The following MTNR1B variants were observed in gnomAD, a reference collection of about 807,000 sequenced individuals.
The protein encoded by MTNR1B is melatonin receptor 1B.
A neutral mutation model predicts 7.0 loss-of-function variants in MTNR1B; 7 were observed. The ratio of observed to expected loss-of-function variants is 1.00; its 90% confidence interval spans 0.57 to 1.88. The LOEUF is 1.88. Ranked by LOEUF, MTNR1B falls within the 40% of genes most tolerant of loss-of-function variation. The pLI, the probability that MTNR1B is intolerant of heterozygous loss-of-function variation, is 0.00. For synonymous variants in MTNR1B, 226 were observed against 208.2 expected (o/e 1.09, Z -0.74); for missense variants, 478 against 486.5 (o/e 0.98, Z 0.16).
At chr11:92,980,604 T>C (rs3781637) in intron 1 of MTNR1B, among the ~76,000 whole-genome samples, 3,095 of 152,272 alleles carry the variant, frequency 0.02, 91 homozygotes, top group East Asian at 0.14. Context: ...CTCTCTCTGG[T>C]TGACCAAGCT....
At position 92,981,641 on chromosome 11, in the gene MTNR1B, T is replaced by A. The variant is rs1269926934; in HGVS notation, c.418T>A (p.Cys140Ser). The A allele has an allele frequency of 7.4e-6, 12 of 1,614,124 alleles. No homozygotes were observed. The African/African-American group carries it at 1.6e-4, about 22-fold the overall frequency. Reference protein sequence around the residue: ...NITAIAINRYCYICHSMAYHR... With the variant: ...NITAIAINRYSYICHSMAYHR... ...CACTGCCATCGCCATTAACCGCTAC[T>A]GCTACATCTGCCACAGCATGGCCTA... Residue 140 changes from cysteine to serine, a missense_variant, in exon 2 of 2, where the codon TGC (cysteine) becomes AGC (serine). By Grantham distance (112) the Cys-to-Ser change is moderately radical. Transcript: ENST00000257068.
Position 92,981,309 on chromosome 11 carries a change from G to A in MTNR1B, c.224-138G>A, listed in dbSNP as rs916335432. 9.9e-6 allele frequency: 12 copies of A among 1,212,354 alleles called. No homozygotes were observed. In the African/African-American group the frequency reaches 1.1e-4, roughly 11 times the overall value. 75.1% of individuals were successfully genotyped at this position (1,212,354 alleles called of 1,614,324 possible). Reference sequence around the variant, plus strand: ...CTAGTGAGTGGCAGAAATGCAATCTGAGTCTTCAGTTCTGTGCCTCTAAGA... The same window carrying A: ...CTAGTGAGTGGCAGAAATGCAATCTAAGTCTTCAGTTCTGTGCCTCTAAGA... On this transcript the variant is annotated intron_variant, in intron 1 of 1. Transcript: ENST00000257068.
intron 1 of MTNR1B, 70 bp downstream of exon 1, chr11:92,970,018 C>T: frequency 7.0e-7 from 1 of 1,418,958 alleles, no homozygotes; most frequent in Non-Finnish European, 9.3e-7. Flanking sequence ...GTCCCTGACC[C>T]CGGGATATGC....
chr11:92,971,927 CA>C (rs200429710), intron 1 of MTNR1B, among the ~76,000 whole-genome samples: 8 of 150,826 alleles, frequency 5.3e-5, no homozygotes, highest in South Asian at 2.1e-4. Flanking sequence ...AGCACCCGAA[CA>C]AAAAAAAATA....
intron 1 of MTNR1B, among the ~76,000 whole-genome samples, chr11:92,970,707 C>G (rs1654959726): frequency 6.6e-6 from 1 of 152,156 alleles, no homozygotes; most frequent in African/African-American, 2.4e-5. Context: ...GAGTGGGGGG[C>G]AGTATCTGAA....
chr11:92,971,291 C>T (rs1384190176), intron 1 of MTNR1B, among the ~76,000 whole-genome samples: 4 of 152,170 alleles, frequency 2.6e-5, no homozygotes, highest in Non-Finnish European at 5.9e-5. Flanking sequence ...AAAAAACAAA[C>T]AAGAAACTCC....
rs754089451 is a variant in MTNR1B at position 92,981,863 on chromosome 11, G to A, written c.640G>A (p.Ala214Thr). Residue 214 changes from alanine (A) to threonine (T), a missense_variant, in exon 2 of 2, where the codon GCT becomes ACT. By Grantham distance (58) the Ala-to-Thr change is moderately conservative. Transcript: ENST00000257068. The stretch of plus-strand genomic sequence containing the variant: ...GGTCATCCACTTCCTCCTCCCTATC[G>A]CTGTCGTGTCCTTCTGCTACCTGCG... ...VVVIHFLLPI[A>T]VVSFCYLRIW... 2.7e-5 allele frequency: 44 copies of A among 1,614,016 alleles called. No individual in the cohort carries two copies. The highest frequency in any genetic ancestry group is 1.5e-4 in the African/African-American group (11 of 74,926).
At chr11:92,976,988 G>T (rs1858018584) in intron 1 of MTNR1B, among the ~76,000 whole-genome samples, 1 of 152,176 alleles carries the variant, frequency 6.6e-6, no homozygotes, top group African/African-American at 2.4e-5. Context: ...ATCAATGGTT[G>T]TTTTGTTGCT....
At chr11:92,977,479 C>G (rs779255378) in intron 1 of MTNR1B, among the ~76,000 whole-genome samples, 1 of 152,214 alleles carries the variant, frequency 6.6e-6, no homozygotes, top group Non-Finnish European at 1.5e-5. Flanking sequence ...CATGACCTTT[C>G]CCATACAACA....
In MTNR1B at chr11:92,982,144, C is replaced by G. The variant is rs1226009723; in HGVS notation, c.921C>G (p.Val307=). 1 of 1,614,114 alleles carries G rather than the reference C, an allele frequency of 6.2e-7. No homozygotes were observed. The highest frequency in any genetic ancestry group is 2.2e-5 in the East Asian group (1 of 44,888). Reference sequence around the variant, plus strand: ...TCAACAGCTGCCTGAATGCCATTGTCTATGGGCTCTTGAACCAAAACTTCC... The same window carrying G: ...TCAACAGCTGCCTGAATGCCATTGTGTATGGGCTCTTGAACCAAAACTTCC... The part of the protein sequence containing the change: ...AYFNSCLNAI[V]YGLLNQNFRR... Residue 307 remains valine (V), a synonymous_variant, in exon 2 of 2, where the codon GTC becomes GTG. Transcript: ENST00000257068.
intron 1 of MTNR1B, among the ~76,000 whole-genome samples, chr11:92,974,926 T>C (rs112432204): frequency 0.017 from 2,597 of 152,218 alleles, 31 homozygotes; most frequent in South Asian, 0.04. Flanking sequence ...TTAGTAGAGA[T>C]GGTGTTTCTC....
At chr11:92,977,838 G>GAAGA (rs1217737191) in intron 1 of MTNR1B, among the ~76,000 whole-genome samples, 2 of 152,238 alleles carry the variant, frequency 1.3e-5, no homozygotes, top group African/African-American at 4.8e-5. Flanking sequence ...AAGAGTGGAA[G>GAAGA]AAGACCTCAA....
In MTNR1B at chr11:92,973,680, G is replaced by A. The variant is rs369580437; in HGVS notation, c.223+3732G>A. ...GGATAGTAAGTGTCTCCCTTGTTGG[G>A]CTTCTAAGATACCTGTGCCCTCCCC... On this transcript the variant is annotated intron_variant, in intron 1 of 1. Transcript: ENST00000257068. Among the ~76,000 whole-genome samples the A allele has an allele frequency of 2.0e-5, 3 of 152,176 alleles. No homozygotes were observed. In the East Asian group the frequency reaches 5.8e-4, roughly 29 times the overall value.
intron 1 of MTNR1B, 86 bp from the exon 2 acceptor site, chr11:92,981,361 A>G: frequency 6.6e-7 from 1 of 1,518,970 alleles, no homozygotes. Context: ...TCACATTGCC[A>G]AAAGTAACTT....
downstream of MTNR1B, among the ~76,000 whole-genome samples, chr11:92,984,029 C>T: frequency 6.6e-6 from 1 of 152,178 alleles, no homozygotes; most frequent in South Asian, 2.1e-4. Flanking sequence ...TTCTATCCCC[C>T]ATCATCCCAC....
chr11:92,973,535 G>T (rs1438714021), intron 1 of MTNR1B, among the ~76,000 whole-genome samples: 3 of 152,142 alleles, frequency 2.0e-5, no homozygotes, highest in African/African-American at 7.2e-5. Flanking sequence ...TTCCCAAAGG[G>T]TCTGCACTCC....
At position 92,969,866 on chromosome 11, in the gene MTNR1B, C is replaced by T. The variant is rs746368501; in HGVS notation, c.141C>T (p.Leu47=). 28 of 1,611,662 alleles carry T rather than the reference C, an allele frequency of 1.7e-5. No individual in the cohort carries two copies. Among genetic ancestry groups the T allele is most frequent in the Non-Finnish European group, 2.3e-5 (27 of 1,179,554 alleles). ...PWVAPALSAV[L]IVTTAVDVVG... The stretch of plus-strand genomic sequence containing the variant: ...TGGCTCCAGCGCTGTCCGCGGTGCT[C>T]ATCGTCACCACCGCCGTGGACGTCG... Residue 47 remains leucine, a synonymous_variant, in exon 1 of 2, where the codon CTC becomes CTT. Coordinates refer to ENST00000257068, the MANE Select transcript of MTNR1B (RefSeq NM_005959.5).
rs1858099999 is a variant in MTNR1B at position 92,981,431 on chromosome 11, C to G, written c.224-16C>G. 1 of 1,606,250 alleles carries G rather than the reference C, an allele frequency of 6.2e-7. No individual in the cohort carries two copies. The highest frequency in any genetic ancestry group is 1.1e-5 in the South Asian group (1 of 90,380). On this transcript the variant is annotated splice_polypyrimidine_tract_variant and intron_variant, in intron 1 of 1. Coordinates refer to ENST00000257068, the MANE Select transcript of MTNR1B (RefSeq NM_005959.5). ...GTGGGGTCTCGTGCTGACTGTTGCT[C>G]TGTTTGCTGCTTCAGGTAATTTGTT... is the stretch of plus-strand genomic sequence containing the variant.
downstream of MTNR1B, among the ~76,000 whole-genome samples, chr11:92,983,152 C>A (rs1281188882): frequency 6.6e-6 from 1 of 152,156 alleles, no homozygotes; most frequent in African/African-American, 2.4e-5. Context: ...GATAACACAT[C>A]TGCAGAGCTG....
Sources: allele counts gnomAD v4.1 joint callset (sites outside exome capture counted in the v4.1 genomes callset), GRCh38; gene constraint gnomAD v4.1.1; transcripts MANE v1.5; gene names NCBI Gene and HGNC (gene_info 2026-07-23, HGNC 2026-07-21).